PCSK5: variants seen among roughly 807,000 people sequenced by gnomAD.
PCSK5 encodes prohormone convertase 5.
In PCSK5, 129 loss-of-function variants were observed where a neutral mutation model predicts 233.2. That is an observed-to-expected ratio of 0.55 (90% confidence interval 0.48 to 0.64). The LOEUF (loss-of-function observed/expected upper bound fraction) is 0.64, where lower values mean the gene tolerates loss of function less well. Among genes scored for constraint, PCSK5 ranks in the 30% least tolerant of loss-of-function variants. The pLI, the probability that PCSK5 is intolerant of heterozygous loss-of-function variation, is 0.00. For synonymous variants in PCSK5, 825 were observed against 879.2 expected, an observed-to-expected ratio of 0.94 and a Z score of 1.09; for missense variants, 2,076 against 2,430.1, an observed-to-expected ratio of 0.85 and a Z score of 3.06.
chr9:75,987,578 C>A (rs576766101), intron 3 of PCSK5, among the ~76,000 whole-genome samples: 1 of 152,164 alleles, frequency 6.6e-6, no homozygotes, highest in Non-Finnish European at 1.5e-5. Flanking sequence ...TGGTCTTACC[C>A]AGAAATGAAA....
chr9:76,188,490 G>GTATC, intron 17 of PCSK5, 88 bp from the exon 18 acceptor site: 1 of 810,304 alleles, frequency 1.2e-6, no homozygotes, highest in South Asian at 1.6e-5. Context: ...GAGGGAAACT[G>GTATC]TATCTGTTAC....
chr9:76,052,884 T>C (rs1208341672), intron 5 of PCSK5, among the ~76,000 whole-genome samples: 1 of 152,158 alleles, frequency 6.6e-6, no homozygotes. Context: ...CCATTTCAAA[T>C]GGGATAAATT....
chr9:76,085,706 C>T (rs942371235), intron 7 of PCSK5, among the ~76,000 whole-genome samples: 2 of 152,132 alleles, frequency 1.3e-5, no homozygotes, highest in South Asian at 2.1e-4. Flanking sequence ...GGAGTTACTC[C>T]GTGTAAGATC....
chr9:76,040,705 A>G (rs1829081502), intron 5 of PCSK5, among the ~76,000 whole-genome samples: 1 of 152,204 alleles, frequency 6.6e-6, no homozygotes, highest in Non-Finnish European at 1.5e-5. Context: ...AATTTGGAGC[A>G]GGACCCTAGA....
intron 20 of PCSK5, among the ~76,000 whole-genome samples, chr9:76,226,501 C>T (rs914823654): frequency 2.0e-5 from 3 of 152,068 alleles, no homozygotes; most frequent in South Asian, 2.1e-4. Context: ...AAACCCTGGG[C>T]GGGTCCTGCT....
At chr9:75,990,935 T>C (rs1049205896) in intron 3 of PCSK5, among the ~76,000 whole-genome samples, 2 of 152,166 alleles carry the variant, frequency 1.3e-5, no homozygotes, top group African/African-American at 4.8e-5. Flanking sequence ...TAAATTTTGA[T>C]TGAATAAATG....
intron 36 of PCSK5, among the ~76,000 whole-genome samples, chr9:76,352,394 A>T (rs1410606384): frequency 6.6e-6 from 1 of 152,062 alleles, no homozygotes; most frequent in African/African-American, 2.4e-5. Flanking sequence ...TCTTGTGCCA[A>T]CCTCCTATCT....
intron 1 of PCSK5, among the ~76,000 whole-genome samples, chr9:75,900,864 A>G (rs1207132190): frequency 1.3e-5 from 2 of 151,946 alleles, no homozygotes; most frequent in African/African-American, 4.8e-5. Flanking sequence ...CTATCCTTCC[A>G]CTAGCTGGTG....
intron 7 of PCSK5, among the ~76,000 whole-genome samples, chr9:76,075,265 T>C (rs1395185200): frequency 2.0e-5 from 3 of 151,928 alleles, no homozygotes; most frequent in African/African-American, 7.3e-5. Flanking sequence ...CAAGTCAACG[T>C]AGCCTTCCTG....
At chr9:76,352,005 G>T (rs577231069) in intron 36 of PCSK5, among the ~76,000 whole-genome samples, 1 of 152,266 alleles carries the variant, frequency 6.6e-6, no homozygotes, top group African/African-American at 2.4e-5. Context: ...CCCCAAAAGA[G>T]GGTTCTTGGA....
intron 4 of PCSK5, among the ~76,000 whole-genome samples, chr9:76,025,229 G>T (rs1464891320): frequency 6.6e-6 from 1 of 152,074 alleles, no homozygotes; most frequent in African/African-American, 2.4e-5. Flanking sequence ...CACGAACATT[G>T]AAATTAGGAA....
chr9:76,343,332 T>TG (rs369044786), intron 35 of PCSK5, among the ~76,000 whole-genome samples: 23,440 of 103,540 alleles, frequency 0.23, 2,382 homozygotes, highest in South Asian at 0.29. Flanking sequence ...ACCTGGGTAA[T>TG]TTGTGTGTGT....
intron 3 of PCSK5, among the ~76,000 whole-genome samples, chr9:76,021,493 G>T (rs1217403319): frequency 6.6e-6 from 1 of 152,128 alleles, no homozygotes; most frequent in African/African-American, 2.4e-5. Context: ...GAGAATTCGG[G>T]TTAGTAGAGT....
In PCSK5 at chr9:76,362,671, C is replaced by G. The variant is rs544075485; in HGVS notation, c.*3749C>G. Among the ~76,000 whole-genome samples the G allele has an allele frequency of 6.6e-6, 1 of 152,220 alleles. No individual in the cohort carries two copies. Among genetic ancestry groups the G allele is most frequent in the Admixed American group, 6.5e-5 (1 of 15,288 alleles). On this transcript the variant is annotated 3_prime_UTR_variant, in exon 38 of 38. Transcript: ENST00000674117. Reference sequence around the variant, plus strand: ...TCCACAGGCAGACAGCCCGGCGCTACGCCCTGGGCCTGGCAGTTAAAGATC... The same window carrying G: ...TCCACAGGCAGACAGCCCGGCGCTAGGCCCTGGGCCTGGCAGTTAAAGATC...
intron 32 of PCSK5, among the ~76,000 whole-genome samples, chr9:76,326,198 C>A (rs945020149): frequency 5.3e-5 from 8 of 151,944 alleles, no homozygotes; most frequent in African/African-American, 1.9e-4. Context: ...GGCAACATAG[C>A]AAGACCCTAT....
chr9:76,270,034 CT>C (rs150429170), intron 24 of PCSK5, among the ~76,000 whole-genome samples: 3,956 of 149,650 alleles, frequency 0.026, 154 homozygotes, highest in African/African-American at 0.088. Flanking sequence ...ATGAGCAACT[CT>C]TTTTTTTTTC....
intron 2 of PCSK5, among the ~76,000 whole-genome samples, chr9:75,934,559 G>T (rs4636272): frequency 0.26 from 39,941 of 151,264 alleles, 5,545 homozygotes; most frequent in East Asian, 0.49. Flanking sequence ...GACATTGGGG[G>T]TTCCTAAGTT....
intron 1 of PCSK5, among the ~76,000 whole-genome samples, chr9:75,927,984 A>C (rs1056540877): frequency 1.3e-5 from 2 of 152,174 alleles, no homozygotes; most frequent in Non-Finnish European, 2.9e-5. Flanking sequence ...TCTAGAAAGG[A>C]TAGAGATAGG....
intron 16 of PCSK5, among the ~76,000 whole-genome samples, chr9:76,182,447 A>G (rs1393040446): frequency 6.6e-6 from 1 of 152,218 alleles, no homozygotes; most frequent in African/African-American, 2.4e-5. Context: ...GGCAAAATGG[A>G]AATCCTTTTG....
Sources: allele counts gnomAD v4.1 joint callset (sites outside exome capture counted in the v4.1 genomes callset), GRCh38; gene constraint gnomAD v4.1.1; transcripts MANE v1.5; gene names NCBI Gene and HGNC (gene_info 2026-07-23, HGNC 2026-07-21).